PGM2L1: variants seen among roughly 807,000 people sequenced by gnomAD.
PGM2L1 encodes glucose 1,6-bisphosphate synthase.
In PGM2L1, 35 loss-of-function variants were observed where a neutral mutation model predicts 73.4. That is an observed-to-expected ratio of 0.48 (90% confidence interval 0.36 to 0.63). The LOEUF (loss-of-function observed/expected upper bound fraction) is 0.63. Among genes scored for constraint, PGM2L1 ranks in the 30% least tolerant of loss-of-function variants. The pLI, the probability that PGM2L1 is intolerant of heterozygous loss-of-function variation, is 0.00. For synonymous variants in PGM2L1, 225 were observed against 253.8 expected (o/e 0.89, Z 1.08); for missense variants, 570 against 742.0 (o/e 0.77, Z 2.69).
Position 74,398,359 on chromosome 11 carries a change from C to A in PGM2L1, c.-198G>T. 1.3e-6 allele frequency: 1 copy of A among 774,986 alleles called. No individual in the cohort carries two copies. The highest frequency in any genetic ancestry group is 1.8e-6 in the Non-Finnish European group (1 of 540,684). The allele number at this position is 774,986 out of a possible 1,614,324, so 48.0% of individuals were successfully genotyped here. On this transcript the variant is annotated 5_prime_UTR_variant, in exon 1 of 14. Coordinates refer to ENST00000298198, the MANE Select transcript of PGM2L1 (RefSeq NM_173582.6). ...AGAGGGGGTTTATGGCCGCCTGCTC[C>A]CCAGCGGACCAGGTCCGGGTCTCTG...
intron 6 of PGM2L1, 43 bp from the exon 7 acceptor site, chr11:74,347,380 T>C: frequency 7.1e-7 from 1 of 1,404,500 alleles, no homozygotes; most frequent in East Asian, 2.4e-5. Context: ...ACAAAACCTC[T>C]TACCTTTGAT....
At chr11:74,386,783 A>G (rs983103466) in intron 1 of PGM2L1, among the ~76,000 whole-genome samples, 1 of 152,158 alleles carries the variant, frequency 6.6e-6, no homozygotes, top group Non-Finnish European at 1.5e-5. Context: ...AGCCTCCCAC[A>G]GTTATCTTCA....
intron 5 of PGM2L1, chr11:74,354,764 T>G: frequency 9.5e-7 from 1 of 1,048,890 alleles, no homozygotes; most frequent in Non-Finnish European, 1.5e-6. Flanking sequence ...AAAAAGCTAT[T>G]TGTTGGTAGC....
rs183395088 is a variant in PGM2L1, at chr11:74,335,380, A to G, written c.*1272T>C. On this transcript the variant is annotated 3_prime_UTR_variant, in exon 14 of 14. Transcript: ENST00000298198. ...TGTGATCCACCTGCCTCAGCCTCCC[A>G]AAGTGCTGGGATTACAGGCGTGAGC... The G allele has an allele frequency of 2.0e-5, 3 of 152,172 alleles. No individual in the cohort carries two copies. The highest frequency in any genetic ancestry group is 1.3e-4 in the Admixed American group (2 of 15,264). 9.4% of individuals were successfully genotyped at this position (152,172 alleles called of 1,614,324 possible). A position where few individuals can be genotyped will look rare whatever the true frequency, so the allele number is the denominator to read the frequency against.
intron 1 of PGM2L1, among the ~76,000 whole-genome samples, chr11:74,394,471 C>G (rs1331258235): frequency 6.6e-6 from 1 of 152,192 alleles, no homozygotes; most frequent in Non-Finnish European, 1.5e-5. Context: ...TTAGAAATTA[C>G]ATGGAGTACC....
chr11:74,337,057 AAC>A (rs1471669923), intron 13 of PGM2L1, among the ~76,000 whole-genome samples: 31 of 152,328 alleles, frequency 2.0e-4, no homozygotes, highest in African/African-American at 7.0e-4. Flanking sequence ...AATGGCTTTG[AAC>A]ACAAATACCA....
chr11:74,390,690 A>G (rs1863089114), intron 1 of PGM2L1, among the ~76,000 whole-genome samples: 1 of 152,226 alleles, frequency 6.6e-6, no homozygotes, highest in African/African-American at 2.4e-5. Flanking sequence ...TGAAGAGTAG[A>G]TGCAATTTCC....
intron 7 of PGM2L1, 49 bp from the exon 8 acceptor site, chr11:74,346,878 A>G: frequency 7.2e-7 from 1 of 1,383,804 alleles, no homozygotes; most frequent in Non-Finnish European, 1.0e-6. Context: ...ACCTAAGTTC[A>G]ATGTTAACGT....
At chr11:74,397,971 G>A (rs1863205065) in intron 1 of PGM2L1, 80 bp downstream of exon 1, 2 of 1,443,404 alleles carry the variant, frequency 1.4e-6, no homozygotes, top group South Asian at 1.5e-5. Flanking sequence ...TCTGCAGCCC[G>A]CGGGGCGCTG....
intron 1 of PGM2L1, among the ~76,000 whole-genome samples, chr11:74,378,322 G>T (rs2134939245): frequency 6.6e-6 from 1 of 151,390 alleles, no homozygotes; most frequent in African/African-American, 2.4e-5. Context: ...AAAAGAAAAA[G>T]AAAAAGAAAT....
In PGM2L1 at chr11:74,374,064, AAAAAAAAAC is replaced by A. The variant is rs1289601730; in HGVS notation, c.279+342_279+350del. 4.7e-5 allele frequency among the ~76,000 whole-genome samples: 7 copies of A among 149,352 alleles called. No homozygotes were observed. In the South Asian group the frequency reaches 1.1e-3, roughly 23 times the overall value. On this transcript the variant is annotated intron_variant, in intron 2 of 13. Coordinates refer to ENST00000298198, the MANE Select transcript of PGM2L1 (RefSeq NM_173582.6). ...TAATTTATAAAGCCAAAAAAAAAAA[AAAAAAAAAC>A]CAGACTGAGAAAAAGTACACTTTTT...
chr11:74,344,669 T>C (rs973457407), intron 9 of PGM2L1, among the ~76,000 whole-genome samples: 3 of 152,168 alleles, frequency 2.0e-5, no homozygotes, highest in South Asian at 2.1e-4. Flanking sequence ...AGAATTGTTC[T>C]TCTTTCTCTT....
chr11:74,380,930 C>T (rs759517239), intron 1 of PGM2L1, among the ~76,000 whole-genome samples: 5 of 152,152 alleles, frequency 3.3e-5, no homozygotes, highest in African/African-American at 4.8e-5. Context: ...GATCACTGAA[C>T]TATAATTCTA....
chr11:74,343,711 ACAGTATAAT>A (rs1402495976), intron 9 of PGM2L1, among the ~76,000 whole-genome samples: 3 of 151,960 alleles, frequency 2.0e-5, no homozygotes, highest in African/African-American at 4.8e-5. Flanking sequence ...ATAAGCACAT[ACAGTATAAT>A]CAGTATAATC....
intron 5 of PGM2L1, among the ~76,000 whole-genome samples, chr11:74,357,253 CT>C (rs1156959279): frequency 6.6e-6 from 1 of 152,168 alleles, no homozygotes; most frequent in African/African-American, 2.4e-5. Context: ...GCAAAAGGCA[CT>C]GCCAAGTGAA....
chr11:74,351,778 T>C (rs890230364), intron 5 of PGM2L1, among the ~76,000 whole-genome samples: 1 of 151,354 alleles, frequency 6.6e-6, no homozygotes, highest in African/African-American at 2.4e-5. Flanking sequence ...CTGGCTAACG[T>C]GGTGAAACCC....
intron 5 of PGM2L1, among the ~76,000 whole-genome samples, chr11:74,360,157 A>G (rs1320154052): frequency 6.6e-6 from 1 of 151,824 alleles, no homozygotes; most frequent in Non-Finnish European, 1.5e-5. Context: ...TTGAACCTGG[A>G]AGGTTGAAGC....
intron 5 of PGM2L1, among the ~76,000 whole-genome samples, chr11:74,363,980 A>T (rs951927225): frequency 1.3e-5 from 2 of 152,210 alleles, no homozygotes; most frequent in African/African-American, 4.8e-5. Context: ...ATACTGGCAA[A>T]CCGAATCCAG....
In PGM2L1 at chr11:74,374,375, T is replaced by G. The variant is rs35170680; in HGVS notation, c.279+40A>C. 0.67 allele frequency: 985,245 copies of G among 1,473,768 alleles called. 334,944 individuals carry two copies. The highest frequency in any genetic ancestry group is 0.77 in the East Asian group (33,119 of 43,012). The allele number at this position is 1,473,768 out of a possible 1,614,324, so 91.3% of individuals were successfully genotyped here. On this transcript the variant is annotated intron_variant, in intron 2 of 13. Coordinates refer to ENST00000298198, the MANE Select transcript of PGM2L1 (RefSeq NM_173582.6). ...GGGATTACAGGCATGAGCCACCATG[T>G]CCAGTCAAAAGTACACTCTTAATAC...
Sources: gnomAD v4.1 joint callset for allele counts (sites outside exome capture counted in the v4.1 genomes callset) on GRCh38, gnomAD v4.1.1 for gene constraint, MANE v1.5 for transcripts, NCBI Gene and HGNC (gene_info 2026-07-23, HGNC 2026-07-21) for gene names.